The following RAP1GAP2 variants were observed in gnomAD, a reference collection of about 807,000 sequenced individuals.
The protein encoded by RAP1GAP2 is rap1 GTPase-activating protein 2.
RAP1GAP2 carries 27 observed loss-of-function variants against 95.0 expected under a neutral mutation model. That is an observed-to-expected ratio of 0.28 (90% CI 0.21 to 0.39). RAP1GAP2 has a LOEUF of 0.39. RAP1GAP2 is among the 10% of genes least tolerant of loss of function. The pLI is 1.00. For synonymous variants in RAP1GAP2, 373 were observed against 380.9 expected (o/e 0.98, Z 0.24); for missense variants, 771 against 970.0 (o/e 0.79, Z 2.72).
At position 2,963,475 on chromosome 17, in the gene RAP1GAP2, CCCTCACTCCCA is replaced by C. The variant is rs778530502; in HGVS notation, c.279+17_279+27del. 73 of 1,613,708 alleles carry C rather than the reference CCCTCACTCCCA, an allele frequency of 4.5e-5. No individual in the cohort carries two copies. The highest frequency in any genetic ancestry group is 5.7e-5 in the Non-Finnish European group (67 of 1,179,816). The stretch of plus-strand genomic sequence containing the variant: ...CAGCATCGACGAGGTAGGTGCCCTC[CCCTCACTCCCA>C]CCTGCCCTGCAGCCTGCTCTGGGTC... On this transcript the variant is annotated intron_variant, in intron 6 of 24. Transcript: ENST00000254695. This position sits in a 1 kb window ranked among gnomAD's most constrained non-coding sequence, Gnocchi z 4.8.
rs1395283292 is a variant in RAP1GAP2 at position 2,902,300 on chromosome 17, T to C, written c.81-2984T>C. 1.3e-5 allele frequency among the ~76,000 whole-genome samples: 2 copies of C among 151,430 alleles called. No homozygotes were observed. Among genetic ancestry groups the C allele is most frequent in the African/African-American group, 4.9e-5 (2 of 41,142 alleles). On this transcript the variant is annotated intron_variant, in intron 2 of 24. Transcript: ENST00000254695. The surrounding 1 kb of genome is among the most constrained non-coding windows in gnomAD (Gnocchi z 4.1). ...GGCACGATCTCAGCTCACTGCAACCTCCACCTCTTGGGTTCAAGCGATTCT... is the reference window on the plus strand; with the variant it reads ...GGCACGATCTCAGCTCACTGCAACCCCCACCTCTTGGGTTCAAGCGATTCT...
In RAP1GAP2 at chr17:3,034,099, C is replaced by G. The variant is rs2047406896; in HGVS notation, c.*738C>G. 1 of 154,686 alleles carries G rather than the reference C, an allele frequency of 6.5e-6. No individual in the cohort carries two copies. The highest frequency in any genetic ancestry group is 6.5e-5 in the Admixed American group (1 of 15,286). The allele number at this position is 154,686 out of a possible 1,614,324, so 9.6% of individuals were successfully genotyped here. A position where few individuals can be genotyped will look rare whatever the true frequency, so the allele number is the denominator to read the frequency against. ...AGAACTGCGCTGCACACTTCCTGGA[C>G]TGAGGCGGGGACTTTGGGTCCCACC... On this transcript the variant is annotated 3_prime_UTR_variant, in exon 25 of 25. Coordinates refer to ENST00000254695, the MANE Select transcript of RAP1GAP2 (RefSeq NM_015085.5). The surrounding 1 kb of genome is among the most constrained non-coding windows in gnomAD (Gnocchi z 5.1).
At chr17:2,974,091 C>T (rs1597771797) in intron 8 of RAP1GAP2, among the ~76,000 whole-genome samples, 1 of 151,734 alleles carries the variant, frequency 6.6e-6, no homozygotes, top group East Asian at 1.9e-4. Context: ...CCTGTAATCC[C>T]AGCACCTTGG....
chr17:2,937,482 A>C (rs997830471), intron 3 of RAP1GAP2, among the ~76,000 whole-genome samples: 1 of 152,146 alleles, frequency 6.6e-6, no homozygotes. Flanking sequence ...GCTGGGGGAC[A>C]CTGTGCTGAA....
chr17:2,989,358 A>G (rs1194860447), intron 11 of RAP1GAP2, among the ~76,000 whole-genome samples: 1 of 151,968 alleles, frequency 6.6e-6, no homozygotes, highest in Non-Finnish European at 1.5e-5. Context: ...TTTGAGACAG[A>G]GTCTCACTCT....
rs576941433 is a variant in RAP1GAP2, at chr17:2,855,931, T to C, written c.81-49353T>C. 6.6e-6 allele frequency among the ~76,000 whole-genome samples: 1 copy of C among 152,248 alleles called. No individual in the cohort carries two copies. Among genetic ancestry groups the C allele is most frequent in the Admixed American group, 6.5e-5 (1 of 15,278 alleles). The stretch of plus-strand genomic sequence containing the variant: ...GCCCGGCTGAAGTGAATCTATTTAA[T>C]AGAAATAGTAGTAATAATAATACAA... On this transcript the variant is annotated intron_variant, in intron 2 of 24. Coordinates refer to ENST00000254695, the MANE Select transcript of RAP1GAP2 (RefSeq NM_015085.5). This position sits in a 1 kb window ranked among gnomAD's most constrained non-coding sequence, Gnocchi z 4.3.
intron 2 of RAP1GAP2, among the ~76,000 whole-genome samples, chr17:2,852,276 A>G (rs1208594591): frequency 2.6e-5 from 4 of 151,056 alleles, no homozygotes; most frequent in East Asian, 2.0e-4. Context: ...ATCTCTAGCT[A>G]TAAAAAGATG....
At chr17:2,829,027 G>C (rs1368851774) in intron 2 of RAP1GAP2, among the ~76,000 whole-genome samples, 4 of 132,262 alleles carry the variant, frequency 3.0e-5, no homozygotes, top group Admixed American at 1.8e-4. Flanking sequence ...CTGTCGCCCA[G>C]GCTGGAGTGC....
chr17:2,973,633 A>G (rs1170343108), intron 8 of RAP1GAP2, among the ~76,000 whole-genome samples: 2 of 152,254 alleles, frequency 1.3e-5, no homozygotes, highest in Non-Finnish European at 2.9e-5. Flanking sequence ...ATTGGAAGAT[A>G]GACCCAAGGA....
chr17:2,863,113 T>C (rs1220218813), intron 2 of RAP1GAP2, among the ~76,000 whole-genome samples: 4 of 149,810 alleles, frequency 2.7e-5, no homozygotes, highest in African/African-American at 9.9e-5. Flanking sequence ...AGGAAGAACA[T>C]GGCTGGTATT....
chr17:2,964,251 A>C (rs1428181578), intron 7 of RAP1GAP2, among the ~76,000 whole-genome samples, 183 bp downstream of exon 7: 1 of 39,698 alleles, frequency 2.5e-5, no homozygotes, highest in Non-Finnish European at 4.8e-5. Flanking sequence ...GCTGCCGGGG[A>C]TGGGGGTGAG....
chr17:2,979,730 G>T (rs946483173), intron 8 of RAP1GAP2, among the ~76,000 whole-genome samples: 2 of 151,872 alleles, frequency 1.3e-5, no homozygotes, highest in African/African-American at 4.8e-5. Flanking sequence ...TTCCCAAAGT[G>T]CTGGGATTAC....
At chr17:2,772,231 A>G (rs1490540974), upstream of RAP1GAP2, among the ~76,000 whole-genome samples, 1 of 152,004 alleles carries the variant, frequency 6.6e-6, no homozygotes, top group African/African-American at 2.4e-5. Context: ...CAGATGATCC[A>G]CCCACCTGTG....
chr17:2,854,795 A>C (rs1005655593), intron 2 of RAP1GAP2, among the ~76,000 whole-genome samples: 2 of 152,196 alleles, frequency 1.3e-5, no homozygotes, highest in African/African-American at 4.8e-5. Context: ...TCTGACATCC[A>C]CCAGACCCCA....
intron 2 of RAP1GAP2, among the ~76,000 whole-genome samples, chr17:2,832,689 G>C (rs888507148): frequency 1.3e-5 from 2 of 151,376 alleles, no homozygotes; most frequent in Admixed American, 6.6e-5. Context: ...GCTGGGTGCA[G>C]TGGCTGGCCA....
rs892449544 is a variant in RAP1GAP2 at position 2,906,356 on chromosome 17, T to C, written c.165+988T>C. On this transcript the variant is annotated intron_variant, in intron 3 of 24. Transcript: ENST00000254695. The surrounding 1 kb of genome is among the most constrained non-coding windows in gnomAD (Gnocchi z 4.3). ...ATAAAACCCATCCATCTTCCTGTTG[T>C]TGTCCTGTATCCGATACCCATCACA... Among the ~76,000 whole-genome samples, 1 of 152,162 alleles carries C rather than the reference T, an allele frequency of 6.6e-6. No homozygotes were observed. Among genetic ancestry groups the C allele is most frequent in the African/African-American group, 2.4e-5 (1 of 41,428 alleles).
chr17:2,758,301 G>A (rs1167189922), intron 1 of RAP1GAP2, among the ~76,000 whole-genome samples: 3 of 149,342 alleles, frequency 2.0e-5, no homozygotes, highest in African/African-American at 4.9e-5. Context: ...TCAGCCTCCC[G>A]AGTACCTGGG....
chr17:2,911,960 T>A (rs867469973), intron 3 of RAP1GAP2, among the ~76,000 whole-genome samples: 1 of 152,142 alleles, frequency 6.6e-6, no homozygotes, highest in Non-Finnish European at 1.5e-5. Context: ...TTGCTCAGCC[T>A]TCCACACCCC....
chr17:2,916,569 G>A (rs1219909091), intron 3 of RAP1GAP2, among the ~76,000 whole-genome samples: 1 of 152,182 alleles, frequency 6.6e-6, no homozygotes, highest in Admixed American at 6.5e-5. Context: ...TCTACAGACT[G>A]CTCTGCGTGA....
Sources: gnomAD v4.1 joint callset for allele counts (sites outside exome capture counted in the v4.1 genomes callset) on GRCh38, gnomAD v4.1.1 for gene constraint, Gnocchi (gnomAD v3.1) non-coding constraint, MANE v1.5 for transcripts, NCBI Gene and HGNC (gene_info 2026-07-23, HGNC 2026-07-21) for gene names.